The following LRRC38 variants were observed in gnomAD, a reference collection of about 807,000 sequenced individuals.
LRRC38 encodes the protein leucine rich repeat containing 38, also known as leucine-rich repeat-containing protein 38.
In LRRC38, 5 loss-of-function variants were observed where a neutral mutation model predicts 16.4. That is an observed-to-expected ratio of 0.31 (90% confidence interval 0.16 to 0.64). LRRC38 has a LOEUF of 0.64. Among genes scored for constraint, LRRC38 ranks in the 30% least tolerant of loss-of-function variants. LRRC38 has a pLI of 0.80. For synonymous variants in LRRC38, 191 were observed against 190.2 expected, an observed-to-expected ratio of 1.00 and a Z score of -0.04; for missense variants, 341 against 401.8, an observed-to-expected ratio of 0.85 and a Z score of 1.29.
chr1:13,490,581 C>T (rs528753761), intron 1 of LRRC38, among the ~76,000 whole-genome samples: 3 of 152,208 alleles, frequency 2.0e-5, no homozygotes, highest in Non-Finnish European at 2.9e-5. Context: ...CCCATGTCCA[C>T]CTCCACCCCC....
intron 1 of LRRC38, 25 bp downstream of exon 1, chr1:13,512,938 C>CCCCCG: frequency 2.0e-6 from 3 of 1,522,774 alleles, no homozygotes; most frequent in Non-Finnish European, 1.8e-6. Flanking sequence ...TCCCTCCCTC[C>CCCCCG]CCCAGCCTAG....
chr1:13,501,652 G>A (rs1200321062), intron 1 of LRRC38, among the ~76,000 whole-genome samples: 3 of 109,524 alleles, frequency 2.7e-5, no homozygotes, highest in Non-Finnish European at 4.1e-5. Flanking sequence ...GGAGTGCAGT[G>A]GCACGATCTT....
At chr1:13,494,459 G>A (rs963045298) in intron 1 of LRRC38, among the ~76,000 whole-genome samples, 1 of 150,352 alleles carries the variant, frequency 6.7e-6, no homozygotes, top group African/African-American at 2.5e-5. Flanking sequence ...GCTTTTTACA[G>A]GGACTCTCTC....
intron 1 of LRRC38, among the ~76,000 whole-genome samples, chr1:13,511,202 C>T (rs1639270222): frequency 6.6e-6 from 1 of 152,222 alleles, no homozygotes; most frequent in Admixed American, 6.5e-5. Flanking sequence ...TTGCTCGTTA[C>T]TTTCACTCAC....
At chr1:13,492,020 C>T (rs1303994080) in intron 1 of LRRC38, among the ~76,000 whole-genome samples, 1 of 152,120 alleles carries the variant, frequency 6.6e-6, no homozygotes, top group East Asian at 1.9e-4. Context: ...AGCGTTGTTA[C>T]ATTCACACCG....
At chr1:13,481,788 C>CCTCTCT (rs1198744392) in intron 1 of LRRC38, among the ~76,000 whole-genome samples, 2,012 of 34,204 alleles carry the variant, frequency 0.059, 18 homozygotes, top group Middle Eastern at 0.11. Context: ...TCCCTCTCTC[C>CCTCTCT]CTCTCTCTCT....
Position 13,487,256 on chromosome 1 carries a change from G to A in LRRC38, c.632-11157C>T, listed in dbSNP as rs558063908. The stretch of plus-strand genomic sequence containing the variant: ...TTCTAGGACAACGGAATTCAAGAAC[G>A]AATTGGGCTCCTGTCCTAACTGTCA... On this transcript the variant is annotated intron_variant, in intron 1 of 1. Coordinates refer to ENST00000376085, the MANE Select transcript of LRRC38 (RefSeq NM_001010847.2). This position sits in a 1 kb window ranked among gnomAD's most constrained non-coding sequence, Gnocchi z 4.4. Among the ~76,000 whole-genome samples the A allele has an allele frequency of 1.1e-4, 17 of 152,316 alleles. No homozygotes were observed. The East Asian group carries it at 3.3e-3, about 29-fold the overall frequency.
chr1:13,507,705 G>A (rs539877314), intron 1 of LRRC38, among the ~76,000 whole-genome samples: 53 of 152,158 alleles, frequency 3.5e-4, no homozygotes, highest in African/African-American at 1.0e-3. Context: ...GGTGGCAGGC[G>A]CCTATAATCC....
At chr1:13,482,639 C>A (rs1019001780) in intron 1 of LRRC38, among the ~76,000 whole-genome samples, 2 of 151,104 alleles carry the variant, frequency 1.3e-5, no homozygotes, top group Non-Finnish European at 2.9e-5. Context: ...GGCAAGCTCA[C>A]AGAGGGGGCT....
rs1414710632 is a variant in LRRC38, at chr1:13,487,248, T to A, written c.632-11149A>T. Among the ~76,000 whole-genome samples, 1 of 152,168 alleles carries A rather than the reference T, an allele frequency of 6.6e-6. No individual in the cohort carries two copies. Among genetic ancestry groups the A allele is most frequent in the Non-Finnish European group, 1.5e-5 (1 of 68,036 alleles). Reference sequence around the variant, plus strand: ...CCGATGGATTCTAGGACAACGGAATTCAAGAACGAATTGGGCTCCTGTCCT... The same window carrying A: ...CCGATGGATTCTAGGACAACGGAATACAAGAACGAATTGGGCTCCTGTCCT... On this transcript the variant is annotated intron_variant, in intron 1 of 1. Coordinates refer to ENST00000376085, the MANE Select transcript of LRRC38 (RefSeq NM_001010847.2). This position sits in a 1 kb window ranked among gnomAD's most constrained non-coding sequence, Gnocchi z 4.4.
intron 1 of LRRC38, among the ~76,000 whole-genome samples, chr1:13,481,788 C>CCTCTCTCTCCCTCT (rs1638871647): frequency 8.7e-5 from 3 of 34,466 alleles, no homozygotes; most frequent in Non-Finnish European, 1.5e-4. Context: ...TCCCTCTCTC[C>CCTCTCTCTCCCTCT]CTCTCTCTCT....
intron 1 of LRRC38, among the ~76,000 whole-genome samples, chr1:13,509,129 T>C (rs777999682): frequency 9.9e-5 from 15 of 152,022 alleles, no homozygotes; most frequent in Non-Finnish European, 2.1e-4. Context: ...AGGCATGACA[T>C]GTGGTTCTGT....
chr1:13,481,493 G>A (rs548055967), intron 1 of LRRC38, among the ~76,000 whole-genome samples: 1 of 151,398 alleles, frequency 6.6e-6, no homozygotes, highest in Non-Finnish European at 1.5e-5. Flanking sequence ...CTGGGTTCAC[G>A]CCATTCTCCT....
intron 1 of LRRC38, among the ~76,000 whole-genome samples, 158 bp downstream of exon 1, chr1:13,512,805 T>C (rs1259480687): frequency 1.3e-5 from 2 of 151,984 alleles, no homozygotes; most frequent in Non-Finnish European, 2.9e-5. Context: ...TGCGTCCCTC[T>C]CCACCCACTT....
Position 13,475,951 on chromosome 1 carries a change from A to C in LRRC38, c.780T>G (p.Ile260Met). 1.3e-6 allele frequency: 2 copies of C among 1,550,580 alleles called. No homozygotes were observed. The highest frequency in any genetic ancestry group is 1.7e-6 in the Non-Finnish European group (2 of 1,147,002). Residue 260 changes from isoleucine (I) to methionine (M), a missense_variant, in exon 2 of 2, where the codon ATT (isoleucine) becomes ATG (methionine). Transcript: ENST00000376085. This position sits in a 1 kb window ranked among gnomAD's most constrained non-coding sequence, Gnocchi z 4.3. ...GGAAGAAGCTGGAGATGATGGCCGCAATGGACACGGCCACACCGGAGAAAA... is the reference window on the plus strand; with the variant it reads ...GGAAGAAGCTGGAGATGATGGCCGCCATGGACACGGCCACACCGGAGAAAA... ...IIIFSGVAVSIAAIISSFFLA... is the reference protein window; with the variant it reads ...IIIFSGVAVSMAAIISSFFLA...
At chr1:13,479,787 G>A (rs1285611949) in intron 1 of LRRC38, among the ~76,000 whole-genome samples, 3 of 151,090 alleles carry the variant, frequency 2.0e-5, no homozygotes, top group Non-Finnish European at 4.4e-5. Context: ...CAAGGCTGAG[G>A]GTATTGCTAC....
chr1:13,481,994 G>C (rs1638875684), intron 1 of LRRC38, among the ~76,000 whole-genome samples: 1 of 152,156 alleles, frequency 6.6e-6, no homozygotes, highest in Non-Finnish European at 1.5e-5. Context: ...TCTTATGGCA[G>C]CCTGAGAAGA....
chr1:13,508,130 G>C (rs1557505798), intron 1 of LRRC38, among the ~76,000 whole-genome samples: 1 of 152,026 alleles, frequency 6.6e-6, no homozygotes. Context: ...CCAGCTACTG[G>C]GGAGGCTGAG....
Position 13,476,107 on chromosome 1 carries a change from A to G in LRRC38, c.632-8T>C. 1 of 1,550,148 alleles carries G rather than the reference A, an allele frequency of 6.5e-7. No individual in the cohort carries two copies. The highest frequency in any genetic ancestry group is 8.7e-7 in the Non-Finnish European group (1 of 1,146,610). On this transcript the variant is annotated splice_polypyrimidine_tract_variant and splice_region_variant and intron_variant, in intron 1 of 1. Transcript: ENST00000376085. The stretch of plus-strand genomic sequence containing the variant: ...ACTGGATTTCATCAAGGCCTGAGAA[A>G]AGGCAGGCAGAGGAGAGAGAGATTT...
Sources: gnomAD v4.1 joint callset for allele counts (sites outside exome capture counted in the v4.1 genomes callset) on GRCh38, gnomAD v4.1.1 for gene constraint, Gnocchi (gnomAD v3.1) non-coding constraint, MANE v1.5 for transcripts, NCBI Gene and HGNC (gene_info 2026-07-23, HGNC 2026-07-21) for gene names.